Variants in CELF1 observed in about 807,000 individuals in gnomAD.
CELF1 encodes the protein CUGBP Elav-like family member 1, also known as 50 kDa nuclear polyadenylated RNA-binding protein.
CELF1 carries 10 observed loss-of-function variants against 61.8 expected under a neutral mutation model. The ratio of observed to expected loss-of-function variants is 0.16; its 90% confidence interval spans 0.10 to 0.27. CELF1 has a LOEUF of 0.27. CELF1 is among the 10% of genes least tolerant of loss of function. The pLI, the probability that CELF1 is intolerant of heterozygous loss-of-function variation, is 1.00. For synonymous variants in CELF1, 236 were observed against 225.1 expected (o/e 1.05, Z -0.43); for missense variants, 380 against 639.1 (o/e 0.59, Z 4.37).
chr11:47,508,569 TAAAA>T (rs10547247), intron 1 of CELF1, among the ~76,000 whole-genome samples: 74 of 138,520 alleles, frequency 5.3e-4, no homozygotes, highest in East Asian at 2.7e-3. Context: ...TGAATTTCTT[TAAAA>T]AAAAAAAAAA....
chr11:47,482,923 T>G, intron 8 of CELF1, 67 bp from the exon 9 acceptor site: 1 of 1,414,348 alleles, frequency 7.1e-7, no homozygotes, highest in Non-Finnish European at 9.8e-7. Flanking sequence ...AATCTTCCTT[T>G]TGGATGACAT....
At chr11:47,506,736 T>C (rs1019878328) in intron 1 of CELF1, 1 of 152,246 alleles carries the variant, frequency 6.6e-6, no homozygotes, top group Non-Finnish European at 1.5e-5. Flanking sequence ...TGTTATCCCA[T>C]AATGTACAAA....
intron 11 of CELF1, 88 bp from the exon 12 acceptor site, chr11:47,477,047 T>C: frequency 8.5e-7 from 1 of 1,180,236 alleles, no homozygotes; most frequent in Non-Finnish European, 1.3e-6. Context: ...AGTATGCTAT[T>C]TGTAAAGAGG....
chr11:47,478,626 A>C (rs2081315837), intron 10 of CELF1, among the ~76,000 whole-genome samples: 2 of 152,208 alleles, frequency 1.3e-5, no homozygotes, highest in African/African-American at 4.8e-5. Context: ...GCCCTTTTCC[A>C]TATTCTTCTT....
At chr11:47,554,597 CACA>C (rs1364551690), upstream of CELF1, among the ~76,000 whole-genome samples, 1 of 151,988 alleles carries the variant, frequency 6.6e-6, no homozygotes, top group Non-Finnish European at 1.5e-5. Flanking sequence ...TGTGCACACA[CACA>C]CACACCCATG....
chr11:47,471,060 C>G lies in CELF1; in HGVS notation c.*1170G>C, dbSNP rs1313613971. On this transcript the variant is annotated 3_prime_UTR_variant, in exon 15 of 15. Coordinates refer to ENST00000687097, the MANE Select transcript of CELF1 (RefSeq NM_001376376.1). The stretch of plus-strand genomic sequence containing the variant: ...GGTTACAGGAGGGGCCTGCCAGACC[C>G]CTGTGGGAATACTACATCTGGGACA... 1 of 152,172 alleles carries G rather than the reference C, an allele frequency of 6.6e-6. No homozygotes were observed. Among genetic ancestry groups the G allele is most frequent in the Non-Finnish European group, 1.5e-5 (1 of 68,040 alleles). The allele number at this position is 152,172 out of a possible 1,614,324, so 9.4% of individuals were successfully genotyped here.
At position 47,526,142 on chromosome 11, in the gene CELF1, C is replaced by T. The variant is rs549650317; in HGVS notation, c.-153-25210G>A. On this transcript the variant is annotated intron_variant, in intron 1 of 14. Transcript: ENST00000687097. ...GTCCGGAGTTCGAGACCAGCCTGACCAACAGGGAGAAACCCCGTCTTTACT... is the reference window on the plus strand; with the variant it reads ...GTCCGGAGTTCGAGACCAGCCTGACTAACAGGGAGAAACCCCGTCTTTACT... Among the ~76,000 whole-genome samples the T allele has an allele frequency of 5.3e-5, 8 of 152,126 alleles. No individual in the cohort carries two copies. In the South Asian group the frequency reaches 1.5e-3, roughly 28 times the overall value.
intron 1 of CELF1, among the ~76,000 whole-genome samples, chr11:47,505,448 G>A (rs1247288942): frequency 6.6e-6 from 1 of 150,670 alleles, no homozygotes; most frequent in East Asian, 1.9e-4. Context: ...GGTTAACACG[G>A]TGAAATCCCC....
At chr11:47,558,321 C>T (rs1384263451) in intron 2 of CELF1, among the ~76,000 whole-genome samples, 5 of 150,340 alleles carry the variant, frequency 3.3e-5, no homozygotes, top group Non-Finnish European at 7.4e-5. Context: ...CCTCTATGGT[C>T]AAATTTCCTA....
intron 1 of CELF1, among the ~76,000 whole-genome samples, chr11:47,548,317 A>C (rs2097035045): frequency 6.6e-6 from 1 of 152,162 alleles, no homozygotes; most frequent in Non-Finnish European, 1.5e-5. Flanking sequence ...AGGTTAAAAC[A>C]ACCTAAATGT....
chr11:47,500,555 A>G (rs1293921814), intron 2 of CELF1, among the ~76,000 whole-genome samples: 1 of 152,234 alleles, frequency 6.6e-6, no homozygotes, highest in African/African-American at 2.4e-5. Context: ...CAGGGACAAC[A>G]CTCAAACATG....
intron 1 of CELF1, among the ~76,000 whole-genome samples, chr11:47,520,385 G>C (rs937792952): frequency 6.6e-6 from 1 of 152,264 alleles, no homozygotes. Flanking sequence ...CTTTTGAACA[G>C]ACTTCTCTGT....
Position 47,475,395 on chromosome 11 carries a change from A to G in CELF1, c.1214T>C (p.Leu405Pro). The change falls in exon 13 of 15, where the codon CTG becomes CCG. Residue 405 changes from leucine (L) to proline (P), a missense_variant. By Grantham distance (98) the Leu-to-Pro change is moderately conservative. Coordinates refer to ENST00000687097, the MANE Select transcript of CELF1 (RefSeq NM_001376376.1). ...CTGTGTCAGAAGATTCTGGTTGTAC[A>G]GAGTGGGGAGCGCAGCAGCAGCATA... ...QQYAAAALPT[L>P]YNQNLLTQQS... 2 of 1,614,082 alleles carry G rather than the reference A, an allele frequency of 1.2e-6. No individual in the cohort carries two copies. The highest frequency in any genetic ancestry group is 1.3e-5 in the African/African-American group (1 of 75,034).
rs953533779 is a variant in CELF1, at chr11:47,468,029, A to G, written c.*4201T>C. 1.3e-5 allele frequency: 2 copies of G among 152,218 alleles called. No individual in the cohort carries two copies. The highest frequency in any genetic ancestry group is 1.3e-4 in the Admixed American group (2 of 15,280). 9.4% of individuals were successfully genotyped at this position (152,218 alleles called of 1,614,324 possible). Reference sequence around the variant, plus strand: ...ACATGCAAAACTTTTTTCTGGGCATAATCTTAGTAGGAAAGGAAAAAATTC... The same window carrying G: ...ACATGCAAAACTTTTTTCTGGGCATGATCTTAGTAGGAAAGGAAAAAATTC... On this transcript the variant is annotated 3_prime_UTR_variant, in exon 15 of 15. Coordinates refer to ENST00000687097, the MANE Select transcript of CELF1 (RefSeq NM_001376376.1).
At chr11:47,553,136 A>T (rs978636715), upstream of CELF1, 10 of 395,732 alleles carry the variant, frequency 2.5e-5, no homozygotes, top group Non-Finnish European at 4.5e-5. Context: ...AGAACACCCC[A>T]AAATGGCGGC....
intron 6 of CELF1, 29 bp from the exon 7 acceptor site, chr11:47,484,552 A>C (rs1228704120): frequency 1.9e-6 from 3 of 1,590,732 alleles, no homozygotes; most frequent in African/African-American, 2.7e-5. Flanking sequence ...AAAGACTTGA[A>C]TATTACTACT....
chr11:47,476,081 C>T (rs1445776205), intron 12 of CELF1, among the ~76,000 whole-genome samples: 2 of 151,496 alleles, frequency 1.3e-5, no homozygotes, highest in Non-Finnish European at 2.9e-5. Context: ...CTCACTGCAG[C>T]CTCAAGCTCC....
At chr11:47,511,302 G>C (rs1340346254) in intron 1 of CELF1, among the ~76,000 whole-genome samples, 1 of 151,758 alleles carries the variant, frequency 6.6e-6, no homozygotes, top group Non-Finnish European at 1.5e-5. Flanking sequence ...GTCAAAGATA[G>C]AGGAGGGAGA....
intron 6 of CELF1, among the ~76,000 whole-genome samples, chr11:47,485,361 G>C (rs1382523956): frequency 6.6e-6 from 1 of 151,952 alleles, no homozygotes; most frequent in African/African-American, 2.4e-5. Flanking sequence ...TTTGCAGAGA[G>C]GTTTCACTCT....
Sources: allele counts gnomAD v4.1 joint callset (sites outside exome capture counted in the v4.1 genomes callset), GRCh38; gene constraint gnomAD v4.1.1; transcripts MANE v1.5; gene names NCBI Gene and HGNC (gene_info 2026-07-23, HGNC 2026-07-21).